Variants in ALDH7A1 observed in about 807,000 individuals in gnomAD.
The protein encoded by ALDH7A1 is aldehyde dehydrogenase 7 family member A1, also known as alpha-aminoadipic semialdehyde dehydrogenase.
ALDH7A1 carries 63 observed loss-of-function variants against 79.9 expected under a neutral mutation model. The ratio of observed to expected loss-of-function variants is 0.79; its 90% CI spans 0.64 to 0.97. The LOEUF is 0.97. ALDH7A1 is among the 50% of genes least tolerant of loss of function. ALDH7A1 has a pLI of 0.00. For missense variants in ALDH7A1, 627 were observed against 665.2 expected (o/e 0.94, Z 0.63); for synonymous variants, 240 against 231.2 (o/e 1.04, Z -0.34).
chr5:126,547,246 C>T (rs1214544394), intron 16 of ALDH7A1, among the ~76,000 whole-genome samples: 1 of 152,186 alleles, frequency 6.6e-6, no homozygotes, highest in East Asian at 1.9e-4. Context: ...CAAGATAACA[C>T]CTCATGGGTC....
chr5:126,551,907 T>G, intron 14 of ALDH7A1, 114 bp downstream of exon 14: 1 of 842,286 alleles, frequency 1.2e-6, no homozygotes, highest in South Asian at 1.4e-5. Flanking sequence ...TATCTACTAT[T>G]CAGATTACTT....
chr5:126,594,533 C>T (rs867184099), intron 1 of ALDH7A1: 9 of 280,952 alleles, frequency 3.2e-5, no homozygotes, highest in Non-Finnish European at 4.9e-5. Context: ...CGACCTCCAC[C>T]TCCCGGGTTC....
At chr5:126,589,779 T>C (rs1391800327) in intron 3 of ALDH7A1, among the ~76,000 whole-genome samples, 2 of 147,670 alleles carry the variant, frequency 1.4e-5, no homozygotes, top group Middle Eastern at 3.9e-3. Context: ...GACTGGGAAG[T>C]GAGGAGCGCC....
At chr5:126,575,553 G>C in intron 6 of ALDH7A1, 89 bp from the exon 7 acceptor site, 2 of 1,194,494 alleles carry the variant, frequency 1.7e-6, no homozygotes, top group Non-Finnish European at 2.4e-6. Flanking sequence ...AAGCAAAAGT[G>C]TGAGAAAAAG....
At chr5:126,564,045 C>T (rs987979160) in intron 9 of ALDH7A1, among the ~76,000 whole-genome samples, 1 of 152,140 alleles carries the variant, frequency 6.6e-6, no homozygotes, top group Non-Finnish European at 1.5e-5. Context: ...CCTTGACCTC[C>T]CAAAGTCCTG....
At chr5:126,559,702 G>A (rs1207813583) in intron 10 of ALDH7A1, among the ~76,000 whole-genome samples, 1 of 152,076 alleles carries the variant, frequency 6.6e-6, no homozygotes, top group Non-Finnish European at 1.5e-5. Flanking sequence ...CAAAGTGCTG[G>A]GATTACAGGC....
At chr5:126,594,077 TA>T (rs926196650) in intron 1 of ALDH7A1, 184 of 368,604 alleles carry the variant, frequency 5.0e-4, no homozygotes, top group Middle Eastern at 7.5e-4. Context: ...AACTTTCTTT[TA>T]AAAAAAAATC....
At chr5:126,578,934 T>C (rs889298814) in intron 5 of ALDH7A1, among the ~76,000 whole-genome samples, 9 of 152,012 alleles carry the variant, frequency 5.9e-5, no homozygotes, top group Non-Finnish European at 2.9e-5. Context: ...TCCTGGGCCC[T>C]CCTTAATCTG....
intron 3 of ALDH7A1, chr5:126,592,240 C>T (rs1751577715): frequency 1.5e-5 from 3 of 197,532 alleles, no homozygotes; most frequent in Non-Finnish European, 3.1e-5. Flanking sequence ...TGCTGTTGTT[C>T]TTTAAACCAG....
intron 6 of ALDH7A1, among the ~76,000 whole-genome samples, chr5:126,576,262 C>CA (rs35284915): frequency 0.32 from 28,585 of 89,390 alleles, 4,411 homozygotes; most frequent in East Asian, 0.49. Context: ...GACTCTGTCA[C>CA]AAAAAAAAAA....
chr5:126,546,334 T>C lies in ALDH7A1; in HGVS notation c.1555A>G (p.Arg519Gly). 6.2e-7 allele frequency: 1 copy of C among 1,614,178 alleles called. No individual in the cohort carries two copies. The highest frequency in any genetic ancestry group is 8.5e-7 in the Non-Finnish European group (1 of 1,180,014). Residue 519 changes from arginine (R) to glycine (G), a missense_variant, in exon 17 of 18, where the codon AGG (arginine) becomes GGG (glycine). Physicochemically the swap from Arg to Gly is moderately radical, Grantham distance 125. Coordinates refer to ENST00000409134, the MANE Select transcript of ALDH7A1 (RefSeq NM_001182.5). The stretch of plus-strand genomic sequence containing the variant: ...AAAGCCTTTTCTTACCAAGTAGACC[T>C]TCTCATGTACTGTTTCCAGGCATCA... ...GSDAWKQYMR[R>G]STCTINYSKD...
At chr5:126,570,201 A>G (rs1265401481) in intron 8 of ALDH7A1, 1 of 153,310 alleles carries the variant, frequency 6.5e-6, no homozygotes, top group African/African-American at 2.4e-5. Context: ...GCTGATCAAA[A>G]TGTTCTGGAA....
chr5:126,546,709 G>A (rs932755572), intron 16 of ALDH7A1, among the ~76,000 whole-genome samples: 19 of 150,960 alleles, frequency 1.3e-4, no homozygotes, highest in South Asian at 4.2e-4. Flanking sequence ...TAACCCCACC[G>A]TGCCCAGCCC....
chr5:126,578,722 G>A (rs1265181182), intron 5 of ALDH7A1, among the ~76,000 whole-genome samples: 1 of 151,196 alleles, frequency 6.6e-6, no homozygotes, highest in Non-Finnish European at 1.5e-5. Context: ...AAACTTTAAA[G>A]TCACCCATAA....
At chr5:126,578,930 G>A (rs188890154) in intron 5 of ALDH7A1, among the ~76,000 whole-genome samples, 122 of 152,126 alleles carry the variant, frequency 8.0e-4, no homozygotes, top group Middle Eastern at 3.4e-3. Context: ...TCACTCCTGG[G>A]CCCTCCTTAA....
At chr5:126,559,117 T>A (rs1750304232) in intron 11 of ALDH7A1, 123 bp downstream of exon 11, 1 of 788,480 alleles carries the variant, frequency 1.3e-6, no homozygotes, top group African/African-American at 1.7e-5. Flanking sequence ...GACCACATAT[T>A]TGCCAGCCAC....
intron 17 of ALDH7A1, 151 bp downstream of exon 17, chr5:126,546,173 C>G: frequency 3.9e-6 from 3 of 766,030 alleles, no homozygotes; most frequent in East Asian, 2.7e-5. Context: ...AAAAATAGCA[C>G]CAAATAGATA....
intron 9 of ALDH7A1, among the ~76,000 whole-genome samples, chr5:126,562,900 T>C (rs547939715): frequency 6.6e-6 from 1 of 152,260 alleles, no homozygotes; most frequent in African/African-American, 2.4e-5. Context: ...AAAGGACAAA[T>C]ACTTATAACC....
In ALDH7A1 at chr5:126,577,230, T is replaced by C. The variant is rs1751007918; in HGVS notation, c.518-19A>G. On this transcript the variant is annotated intron_variant, in intron 5 of 17. Coordinates refer to ENST00000409134, the MANE Select transcript of ALDH7A1 (RefSeq NM_001182.5). ...CCAGATCCTGAGGACAGAAAAAGGA[T>C]GGAACATGCAGAAGCATGTTAATTT... 3.7e-6 allele frequency: 6 copies of C among 1,613,812 alleles called. No individual in the cohort carries two copies. The highest frequency in any genetic ancestry group is 3.4e-6 in the Non-Finnish European group (4 of 1,179,980).
Sources: allele counts gnomAD v4.1 joint callset (sites outside exome capture counted in the v4.1 genomes callset), GRCh38; gene constraint gnomAD v4.1.1; transcripts MANE v1.5; gene names NCBI Gene and HGNC (gene_info 2026-07-23, HGNC 2026-07-21).